Variants in STAB2 observed in about 807,000 individuals in gnomAD.
STAB2 encodes the protein stabilin-2.
Under a neutral mutation model 338.1 loss-of-function variants are expected in STAB2, and 288 were observed. The ratio of observed to expected loss-of-function variants is 0.85; its 90% CI spans 0.77 to 0.94. The LOEUF (loss-of-function observed/expected upper bound fraction) is 0.94. Among genes scored for constraint, STAB2 ranks in the 40% least tolerant of loss-of-function variants. The pLI is 0.00. For missense variants in STAB2, 3,141 were observed against 3,210.1 expected (o/e 0.98, Z 0.52); for synonymous variants, 1,202 against 1,193.3 (o/e 1.01, Z -0.15).
chr12:103,745,185 CA>C lies in STAB2; in HGVS notation c.6045del (p.Asp2016ThrfsTer109). The stretch of plus-strand genomic sequence containing the variant: ...AATTTGTTTACAGCCTGTGGCTGCT[CA>C]GACCACGGACAGTGCGATGATGGCA... ...FGPDCLPCGC[S>X]DHGQCDDGIT... is the part of the protein sequence containing the mutation. On this transcript the variant is annotated frameshift_variant, in exon 57 of 69. Coordinates refer to ENST00000388887, the MANE Select transcript of STAB2 (RefSeq NM_017564.10). LOFTEE classifies it high-confidence loss of function. 6.2e-7 allele frequency: 1 copy of C among 1,612,956 alleles called. No individual in the cohort carries two copies.
chr12:103,669,355 C>T lies in STAB2; in HGVS notation c.2173-186C>T, dbSNP rs112860212. On this transcript the variant is annotated intron_variant, in intron 20 of 68. Coordinates refer to ENST00000388887, the MANE Select transcript of STAB2 (RefSeq NM_017564.10). ...GCCAGTCCAGCACCCAGGGGAGGGG[C>T]TCAGTAGAGTTGTGGTGACCAGATG... 1,685 of 592,156 alleles carry T rather than the reference C, an allele frequency of 2.8e-3. 23 individuals are homozygous for T. Among genetic ancestry groups the T allele is most frequent in the African/African-American group, 0.027 (1,435 of 53,830 alleles). The allele number at this position is 592,156 out of a possible 1,614,324, so 36.7% of individuals were successfully genotyped here.
chr12:103,697,087 C>T (rs540809088), intron 33 of STAB2, among the ~76,000 whole-genome samples: 16 of 152,234 alleles, frequency 1.1e-4, no homozygotes, highest in African/African-American at 3.1e-4. Flanking sequence ...CTAAATTATC[C>T]CTATCCACTC....
intron 6 of STAB2, among the ~76,000 whole-genome samples, chr12:103,634,607 A>AT (rs1472046992): frequency 8.5e-5 from 13 of 152,344 alleles, no homozygotes; most frequent in Admixed American, 6.5e-5. Context: ...AACTAAATAA[A>AT]TGAATCTTTT....
chr12:103,744,806 G>A (rs960092283), intron 56 of STAB2, among the ~76,000 whole-genome samples: 1 of 152,068 alleles, frequency 6.6e-6, no homozygotes, highest in African/African-American at 2.4e-5. Context: ...TCTCCATCAG[G>A]AAGCCCCAGA....
At chr12:103,651,842 T>G (rs1050431706) in intron 11 of STAB2, among the ~76,000 whole-genome samples, 2 of 152,194 alleles carry the variant, frequency 1.3e-5, no homozygotes, top group African/African-American at 4.8e-5. Context: ...TTGCAATGAA[T>G]CAAAACCCAG....
intron 27 of STAB2, among the ~76,000 whole-genome samples, chr12:103,685,453 T>TGTGTGTGTGC (rs1310184381): frequency 8.8e-6 from 1 of 113,628 alleles, no homozygotes; most frequent in African/African-American, 2.8e-5. Flanking sequence ...TGTGTGTGTG[T>TGTGTGTGTGC]GCGCGTGCGT....
intron 30 of STAB2, 53 bp from the exon 31 acceptor site, chr12:103,692,759 C>A: frequency 6.7e-7 from 1 of 1,481,858 alleles, no homozygotes; most frequent in Non-Finnish European, 9.4e-7. Flanking sequence ...TCATCTCAAT[C>A]CCAAGGTGCG....
At position 103,740,699 on chromosome 12, in the gene STAB2, A is replaced by T. The variant is rs1882512158; in HGVS notation, c.5824A>T (p.Ser1942Cys). ...CCTGGAAGGCTGCCGGGAGCGGTGCAGCCTGGTGATACAGATCCCCAGGTG... is the reference window on the plus strand; with the variant it reads ...CCTGGAAGGCTGCCGGGAGCGGTGCTGCCTGGTGATACAGATCCCCAGGTG... ...RNLEGCRERC[S>C]LVIQIPRCCK... is the part of the protein sequence containing the mutation. Residue 1942 changes from serine to cysteine, a missense_variant, in exon 55 of 69, where the codon AGC (serine) becomes TGC (cysteine). Transcript: ENST00000388887. 6.2e-7 allele frequency: 1 copy of T among 1,609,452 alleles called. No individual in the cohort carries two copies. The highest frequency in any genetic ancestry group is 1.3e-5 in the African/African-American group (1 of 74,626).
At chr12:103,679,166 G>A (rs936100686) in intron 25 of STAB2, among the ~76,000 whole-genome samples, 3 of 151,968 alleles carry the variant, frequency 2.0e-5, no homozygotes, top group African/African-American at 4.8e-5. Context: ...ACCTGAGATT[G>A]GGAGTTCGAG....
At chr12:103,652,009 C>G (rs964598706) in intron 11 of STAB2, among the ~76,000 whole-genome samples, 3 of 152,228 alleles carry the variant, frequency 2.0e-5, no homozygotes, top group African/African-American at 7.2e-5. Context: ...TGCACGTGGT[C>G]TCTCATTTAA....
chr12:103,729,549 C>T (rs1881472788), intron 48 of STAB2, among the ~76,000 whole-genome samples: 3 of 152,118 alleles, frequency 2.0e-5, no homozygotes, highest in African/African-American at 4.8e-5. Flanking sequence ...TCCTTAATTT[C>T]CGAATAAGAA....
chr12:103,592,662 T>A (rs569823448), intron 2 of STAB2, among the ~76,000 whole-genome samples: 126 of 152,300 alleles, frequency 8.3e-4, no homozygotes, highest in Admixed American at 1.8e-3. Context: ...GTCATAAACA[T>A]ACTCATCATC....
intron 60 of STAB2, among the ~76,000 whole-genome samples, 198 bp from the exon 61 acceptor site, chr12:103,753,022 A>G (rs1217544995): frequency 2.0e-5 from 3 of 152,244 alleles, no homozygotes; most frequent in Non-Finnish European, 4.4e-5. Context: ...AATTTCTACA[A>G]TGAACATATG....
intron 47 of STAB2, among the ~76,000 whole-genome samples, chr12:103,727,968 G>C (rs2118597): frequency 2.0e-5 from 3 of 152,080 alleles, no homozygotes; most frequent in Admixed American, 6.6e-5. Context: ...ACCTGGGCCC[G>C]TGTACTTAAC....
In STAB2 at chr12:103,724,995, A is replaced by G. The variant is rs1044751848; in HGVS notation, c.4704A>G (p.Glu1568=). ...ACCAGAAAAATGGCGGCTGTAGTGA[A>G]TTTGCCATCTGCAACCACACTGGGC... The part of the protein sequence containing the change: ...VCLTKNGGCS[E]FAICNHTGQV... The change falls in exon 45 of 69, where the codon GAA becomes GAG. Residue 1568 remains glutamate (E), a synonymous_variant. Coordinates refer to ENST00000388887, the MANE Select transcript of STAB2 (RefSeq NM_017564.10). 1.9e-6 allele frequency: 3 copies of G among 1,613,808 alleles called. No individual in the cohort carries two copies. The African/African-American group carries it at 4.0e-5, about 22-fold the overall frequency.
chr12:103,708,421 CA>C lies in STAB2; in HGVS notation c.4193-19del. ...ACATGGGTTAGAATCTGACGATTTG[CA>C]GGTGATTTTCCCACTTAGCATGTTC... is the stretch of plus-strand genomic sequence containing the variant. On this transcript the variant is annotated intron_variant, in intron 38 of 68. Coordinates refer to ENST00000388887, the MANE Select transcript of STAB2 (RefSeq NM_017564.10). 1 of 1,610,798 alleles carries C rather than the reference CA, an allele frequency of 6.2e-7. No homozygotes were observed. Among genetic ancestry groups the C allele is most frequent in the Non-Finnish European group, 8.5e-7 (1 of 1,177,120 alleles).
At chr12:103,657,511 T>C (rs1386033367) in intron 15 of STAB2, 3 of 152,232 alleles carry the variant, frequency 2.0e-5, no homozygotes, top group Non-Finnish European at 2.9e-5. Flanking sequence ...ATGACTCATT[T>C]AAGCTCTCCA....
intron 10 of STAB2, among the ~76,000 whole-genome samples, chr12:103,649,187 G>T (rs769779755): frequency 6.6e-6 from 1 of 152,176 alleles, no homozygotes; most frequent in Non-Finnish European, 1.5e-5. Context: ...AACAAAGCTT[G>T]GCAGGTAAAA....
At chr12:103,746,997 C>A (rs1219557851) in intron 58 of STAB2, among the ~76,000 whole-genome samples, 1 of 146,310 alleles carries the variant, frequency 6.8e-6, no homozygotes, top group Non-Finnish European at 1.5e-5. Context: ...ACGCTTGTTG[C>A]CCAGGCTGGA....
Sources: allele counts gnomAD v4.1 joint callset (sites outside exome capture counted in the v4.1 genomes callset), GRCh38; gene constraint gnomAD v4.1.1; transcripts MANE v1.5; gene names NCBI Gene and HGNC (gene_info 2026-07-23, HGNC 2026-07-21).